TMEM67: variants seen among roughly 807,000 people sequenced by gnomAD.
TMEM67 encodes the protein meckelin.
A neutral mutation model predicts 136.6 loss-of-function variants in TMEM67; 124 were observed. The observed-to-expected ratio is 0.91, with a 90% confidence interval of 0.78 to 1.05. TMEM67 has a LOEUF of 1.05. TMEM67 is among the 50% of genes least tolerant of loss of function. The probability of loss-of-function intolerance (pLI) is 0.00; values close to 1 mark genes in which losing one functional copy is unlikely to be tolerated. For missense variants in TMEM67, 1,107 were observed against 1,178.4 expected (o/e 0.94, Z 0.89); for synonymous variants, 364 against 390.5 (o/e 0.93, Z 0.80).
At position 93,809,864 on chromosome 8, in the gene TMEM67, T is replaced by C. The variant is rs1341631461; in HGVS notation, c.2741T>C (p.Met914Thr). The change falls in exon 26 of 28, where the codon ATG (methionine) becomes ACG (threonine). Residue 914 changes from methionine (M) to threonine (T), a missense_variant. Transcript: ENST00000453321. ...CTTGGAATGGAATTCATGGAACCAA[T>C]GGAAAAAAGCATCTTTTACAATGGT... is the stretch of plus-strand genomic sequence containing the variant. ...RILGMEFMEP[M>T]EKSIFYNDEG... 2.5e-6 allele frequency: 4 copies of C among 1,606,718 alleles called. No homozygotes were observed. The African/African-American group carries it at 5.4e-5, about 21-fold the overall frequency.
intron 18 of TMEM67, among the ~76,000 whole-genome samples, chr8:93,796,863 A>G (rs1337969310): frequency 6.6e-6 from 1 of 152,144 alleles, no homozygotes; most frequent in African/African-American, 2.4e-5. Context: ...AGGAGGAAAA[A>G]TGTCTCCTCT....
At chr8:93,829,574 G>A in the TMEM67 span, among the ~76,000 whole-genome samples, 1 of 152,228 alleles carries the variant, frequency 6.6e-6, no homozygotes, top group Non-Finnish European at 1.5e-5. Flanking sequence ...TAGGCTTAGA[G>A]CTGGTTGGCT....
chr8:93,797,058 A>T, intron 18 of TMEM67, 76 bp from the exon 19 acceptor site: 1 of 849,204 alleles, frequency 1.2e-6, no homozygotes, highest in Middle Eastern at 3.3e-4. Flanking sequence ...TATGTTTCTT[A>T]AAGAGTCAAT....
chr8:93,758,451 A>G, intron 2 of TMEM67, 32 bp from the exon 3 acceptor site: 1 of 1,544,486 alleles, frequency 6.5e-7, no homozygotes. Context: ...TTAATTAAAA[A>G]AGAGAAAAGC....
chr8:93,796,706 C>T (rs1031224087), intron 18 of TMEM67, among the ~76,000 whole-genome samples: 1 of 152,132 alleles, frequency 6.6e-6, no homozygotes, highest in Non-Finnish European at 1.5e-5. Context: ...AAAAAAAAGA[C>T]AGTAAGAGCA....
Position 93,799,701 on chromosome 8 carries a change from C to T in TMEM67, c.2184C>T (p.Ser728=). 1 of 1,613,768 alleles carries T rather than the reference C, an allele frequency of 6.2e-7. No individual in the cohort carries two copies. Residue 728 remains serine (S), a synonymous_variant, in exon 21 of 28, where the codon AGC becomes AGT. Transcript: ENST00000453321. Reference sequence around the variant, plus strand: ...CACCTAGCTACATAGCTCCTTATAGCTGCATTTTGAGATATGCAGTGTCTG... The same window carrying T: ...CACCTAGCTACATAGCTCCTTATAGTTGCATTTTGAGATATGCAGTGTCTG... The part of the protein sequence containing the change: ...RNPPSYIAPY[S]CILRYAVSAA...
Position 93,815,328 on chromosome 8 carries a change from G to C in TMEM67, c.2788G>C (p.Val930Leu), listed in dbSNP as rs1458994450. The change falls in exon 27 of 28, where the codon GTC (valine) becomes CTC (leucine). Residue 930 changes from valine to leucine, a missense_variant. Transcript: ENST00000453321. ...AGATGAAGGTTATTCTTTCAGCAGT[G>C]TCCTGTATTATGGAAATGAAGCTAC... ...YNDEGYSFSS[V>L]LYYGNEATLL... The C allele has an allele frequency of 1.9e-6, 3 of 1,597,920 alleles. No individual in the cohort carries two copies. The African/African-American group carries it at 4.0e-5, about 21-fold the overall frequency.
chr8:93,814,422 T>A (rs977436464), intron 26 of TMEM67, among the ~76,000 whole-genome samples: 3 of 151,114 alleles, frequency 2.0e-5, no homozygotes, highest in African/African-American at 7.3e-5. Context: ...CTTTTTTTTT[T>A]TTTTTCCTAA....
chr8:93,831,525 C>A, the TMEM67 span, among the ~76,000 whole-genome samples: 1 of 152,184 alleles, frequency 6.6e-6, no homozygotes, highest in South Asian at 2.1e-4. Context: ...ATTCGCCAAT[C>A]TTCCAACCTT....
At position 93,793,083 on chromosome 8, in the gene TMEM67, C is replaced by T. The variant is rs1355697234; in HGVS notation, c.1576-115C>T. 5.3e-6 allele frequency: 5 copies of T among 938,992 alleles called. No individual in the cohort carries two copies. The African/African-American group carries it at 6.5e-5, about 12-fold the overall frequency. The allele number at this position is 938,992 out of a possible 1,614,324, so 58.2% of individuals were successfully genotyped here. A position where few individuals can be genotyped will look rare whatever the true frequency, so the allele number is the denominator to read the frequency against. On this transcript the variant is annotated intron_variant, in intron 15 of 27. Coordinates refer to ENST00000453321, the MANE Select transcript of TMEM67 (RefSeq NM_153704.6). ...ACTGTGCCCGGCTGACTCCTGTGTC[C>T]TTTCAACATTTCCCACCCCACCATT...
chr8:93,765,546 A>AT (rs1813044691), intron 5 of TMEM67, 26 bp from the exon 6 acceptor site: 3 of 1,603,860 alleles, frequency 1.9e-6, no homozygotes, highest in Non-Finnish European at 2.6e-6. Flanking sequence ...ATAAGCTTCT[A>AT]TTTTTTCCCT....
At chr8:93,826,333 G>A in the TMEM67 span, among the ~76,000 whole-genome samples, 1 of 151,838 alleles carries the variant, frequency 6.6e-6, no homozygotes, top group African/African-American at 2.4e-5. Flanking sequence ...GTTTCACCGT[G>A]TTAGCCAGGA....
intron 6 of TMEM67, among the ~76,000 whole-genome samples, 160 bp from the exon 7 acceptor site, chr8:93,772,429 A>G (rs988131765): frequency 6.6e-6 from 1 of 152,152 alleles, no homozygotes; most frequent in Non-Finnish European, 1.5e-5. Flanking sequence ...ATGCGGTCCT[A>G]TTTATAATAA....
At chr8:93,757,647 A>G (rs555720429) in intron 2 of TMEM67, among the ~76,000 whole-genome samples, 51 of 152,282 alleles carry the variant, frequency 3.3e-4, no homozygotes, top group Admixed American at 2.9e-3. Context: ...AAAAAAAAAA[A>G]ACCTTTACTA....
At position 93,765,583 on chromosome 8, in the gene TMEM67, A is replaced by T. The variant is rs777679661; in HGVS notation, c.588A>T (p.Leu196Phe). The T allele has an allele frequency of 2.5e-6, 4 of 1,612,724 alleles. No homozygotes were observed. The highest frequency in any genetic ancestry group is 3.4e-6 in the Non-Finnish European group (4 of 1,178,838). ...ATTTATTTATGAAGACAGGGGGATT[A>T]TGTTTCAGCAGCACAGGGAATTTTC... ...CSEPNILTGG[L>F]CFSSTGNFPL... The change falls in exon 6 of 28, where the codon TTA becomes TTT. Residue 196 changes from leucine (L) to phenylalanine (F), a missense_variant. Transcript: ENST00000453321.
At chr8:93,825,764 A>G in the TMEM67 span, among the ~76,000 whole-genome samples, 1 of 152,204 alleles carries the variant, frequency 6.6e-6, no homozygotes, top group Non-Finnish European at 1.5e-5. Context: ...GCTTCGTGAC[A>G]TTTAGGTCCT....
At chr8:93,787,974 C>T (rs767408690) in intron 14 of TMEM67, 25 bp downstream of exon 14, 1 of 1,510,662 alleles carries the variant, frequency 6.6e-7, no homozygotes, top group South Asian at 1.1e-5. Context: ...TATTAGTGCC[C>T]TTGTATGTAT....
In TMEM67 at chr8:93,781,736, GT is replaced by G; in HGVS notation, c.1061del (p.Leu354TyrfsTer11). On this transcript the variant is annotated frameshift_variant, in exon 10 of 28. Coordinates refer to ENST00000453321, the MANE Select transcript of TMEM67 (RefSeq NM_153704.6). LOFTEE classifies it high-confidence loss of function. ...CAAGTGGCAAACTTTAGAAGGAGGT[GT>G]TTTACAGGTAAGCATGATTCTAGTT... ...FLKWQTLEGG[V>X]LQLCPDTETR... 6.3e-7 allele frequency: 1 copy of G among 1,596,260 alleles called. No homozygotes were observed. Among genetic ancestry groups the G allele is most frequent in the African/African-American group, 1.3e-5 (1 of 74,618 alleles).
chr8:93,785,244 T>A lies in TMEM67; in HGVS notation c.1154T>A (p.Ile385Asn). 1 of 1,590,654 alleles carries A rather than the reference T, an allele frequency of 6.3e-7. No homozygotes were observed. The highest frequency in any genetic ancestry group is 8.6e-7 in the Non-Finnish European group (1 of 1,159,768). The change falls in exon 12 of 28, where the codon ATC becomes AAC. Residue 385 changes from isoleucine (I) to asparagine (N), a missense_variant. By Grantham distance (149) the Ile-to-Asn change is moderately radical. Transcript: ENST00000453321. ...QQNCEIPISK[I>N]LIDFPTPIFY... ...CAGTGTGAGATTCCTATCTCTAAGATCTTAATTGACTTTCCCACTCCTATA... is the reference window on the plus strand; with the variant it reads ...CAGTGTGAGATTCCTATCTCTAAGAACTTAATTGACTTTCCCACTCCTATA...
Sources: allele counts gnomAD v4.1 joint callset (sites outside exome capture counted in the v4.1 genomes callset), GRCh38; gene constraint gnomAD v4.1.1; transcripts MANE v1.5; gene names NCBI Gene and HGNC (gene_info 2026-07-23, HGNC 2026-07-21).